The following SLC14A2 variants were observed in gnomAD, a reference collection of about 807,000 sequenced individuals.
The protein encoded by SLC14A2 is urea transporter 2.
In SLC14A2, 91 loss-of-function variants were observed where a neutral mutation model predicts 104.6. The ratio of observed to expected loss-of-function variants is 0.87; its 90% confidence interval spans 0.73 to 1.04. The LOEUF (loss-of-function observed/expected upper bound fraction) is 1.04. SLC14A2 is among the 50% of genes least tolerant of loss of function. The probability of loss-of-function intolerance (pLI) is 0.00; values close to 1 mark genes in which losing one functional copy is unlikely to be tolerated. For missense variants in SLC14A2, 1,189 were observed against 1,156.0 expected (o/e 1.03, Z -0.41); for synonymous variants, 476 against 466.4 (o/e 1.02, Z -0.27).
chr18:45,591,181 C>T (rs1015467792), intron 2 of SLC14A2, among the ~76,000 whole-genome samples: 3 of 152,176 alleles, frequency 2.0e-5, no homozygotes, highest in Non-Finnish European at 4.4e-5. Flanking sequence ...TTCTGATATG[C>T]AAATATCCCT....
rs143785779 is a variant in SLC14A2, at chr18:45,565,635, G to A, written c.-34-58996G>A. Among the ~76,000 whole-genome samples the A allele has an allele frequency of 1.7e-3, 266 of 152,322 alleles. 2 individuals are homozygous for A. The highest frequency in any genetic ancestry group is 5.7e-3 in the African/African-American group (238 of 41,582). On this transcript the variant is annotated intron_variant, in intron 2 of 20. Transcript: ENST00000586448. ...AAGACTGCACATCTGGTCGGTGGCA[G>A]AACTCAAGCTGTCCCCAGGCATCCC...
chr18:45,348,069 T>C (rs995890552), intron 1 of SLC14A2, among the ~76,000 whole-genome samples: 7 of 152,192 alleles, frequency 4.6e-5, no homozygotes, highest in Non-Finnish European at 7.3e-5. Context: ...CTTGCCATCA[T>C]GATGGCAGTG....
chr18:45,454,231 T>G (rs188419168), intron 1 of SLC14A2, among the ~76,000 whole-genome samples: 167 of 152,332 alleles, frequency 1.1e-3, no homozygotes, highest in Non-Finnish European at 2.1e-3. Flanking sequence ...TGAAACATTC[T>G]AATCCTCAAC....
chr18:45,177,026 A>G, the SLC14A2 span, among the ~76,000 whole-genome samples: 2 of 152,066 alleles, frequency 1.3e-5, no homozygotes, highest in African/African-American at 4.8e-5. Flanking sequence ...TTCCAAAACT[A>G]TTTTTTAAAC....
In SLC14A2 at chr18:45,668,622, A is replaced by C. The variant is rs187246344; in HGVS notation, c.2036+145A>C. ...AGAAATGTCCACTGGACTAATAACTAAGTTTATACCATGGTAGCCCCATGC... is the reference window on the plus strand; with the variant it reads ...AGAAATGTCCACTGGACTAATAACTCAGTTTATACCATGGTAGCCCCATGC... On this transcript the variant is annotated intron_variant, in intron 15 of 19. Transcript: ENST00000255226. The C allele has an allele frequency of 5.4e-4, 452 of 842,138 alleles. 2 individuals are homozygous for C. In the African/African-American group the frequency reaches 6.9e-3, roughly 13 times the overall value. 52.2% of individuals were successfully genotyped at this position (842,138 alleles called of 1,614,324 possible).
chr18:45,195,634 C>A, the SLC14A2 span, among the ~76,000 whole-genome samples: 1 of 152,148 alleles, frequency 6.6e-6, no homozygotes, highest in Admixed American at 6.6e-5. Context: ...TCGTGAACTG[C>A]CCGCCTTGGC....
chr18:45,248,795 G>A lies in SLC14A2; in HGVS notation c.-125+35604G>A, dbSNP rs1599611165. 2.0e-5 allele frequency among the ~76,000 whole-genome samples: 3 copies of A among 152,142 alleles called. No homozygotes were observed. In the South Asian group the frequency reaches 6.2e-4, roughly 32 times the overall value. ...TGAAATGGAGCCACAGAACTTCAACGGTATTCTGGCTTAGCTCTTAGGCAA... is the reference window on the plus strand; with the variant it reads ...TGAAATGGAGCCACAGAACTTCAACAGTATTCTGGCTTAGCTCTTAGGCAA... On this transcript the variant is annotated intron_variant, in intron 1 of 20. Transcript: ENST00000586448.
the SLC14A2 span, among the ~76,000 whole-genome samples, chr18:45,186,409 CA>C: frequency 6.6e-6 from 1 of 151,930 alleles, no homozygotes; most frequent in African/African-American, 2.4e-5. Context: ...TATTTGTAGG[CA>C]AAAAAATTAA....
intron 2 of SLC14A2, among the ~76,000 whole-genome samples, chr18:45,605,814 T>C (rs1568295541): frequency 6.6e-6 from 1 of 152,118 alleles, no homozygotes; most frequent in Non-Finnish European, 1.5e-5. Flanking sequence ...AGATAGGTTA[T>C]CAGGAGCCTA....
intron 1 of SLC14A2, among the ~76,000 whole-genome samples, chr18:45,227,435 T>G (rs2094835774): frequency 6.6e-6 from 1 of 152,228 alleles, no homozygotes; most frequent in Non-Finnish European, 1.5e-5. Flanking sequence ...TTCTGAAGGC[T>G]GGGAAGTCCA....
At chr18:45,242,071 C>T (rs552492471) in intron 1 of SLC14A2, among the ~76,000 whole-genome samples, 2 of 152,242 alleles carry the variant, frequency 1.3e-5, no homozygotes, top group Admixed American at 6.5e-5. Context: ...CACTTTACTG[C>T]ACAACAAAGC....
chr18:45,197,889 C>T, the SLC14A2 span, among the ~76,000 whole-genome samples: 1 of 152,052 alleles, frequency 6.6e-6, no homozygotes, highest in African/African-American at 2.4e-5. Context: ...TAAATTGGTG[C>T]CAATCTAGGC....
At chr18:45,415,303 T>C (rs754568201) in intron 1 of SLC14A2, among the ~76,000 whole-genome samples, 2 of 152,140 alleles carry the variant, frequency 1.3e-5, no homozygotes, top group African/African-American at 2.4e-5. Context: ...TCTCCAATTT[T>C]ATACGACTGA....
At chr18:45,648,195 C>CTTTTTTTTTTTTTTTTTTTTTTTT (rs59843067) in intron 10 of SLC14A2, among the ~76,000 whole-genome samples, 5 of 101,250 alleles carry the variant, frequency 4.9e-5, no homozygotes, top group African/African-American at 1.9e-4. Flanking sequence ...CTAGTTAATG[C>CTTTTTTTTTTTTTTTTTTTTTTTT]TTTTTTTTTT....
At chr18:45,364,361 G>T (rs754940776) in intron 1 of SLC14A2, among the ~76,000 whole-genome samples, 1 of 152,166 alleles carries the variant, frequency 6.6e-6, no homozygotes, top group East Asian at 1.9e-4. Context: ...ATCTCAAAAT[G>T]TCACTATACT....
chr18:45,507,778 G>A (rs2043308020), intron 2 of SLC14A2, among the ~76,000 whole-genome samples: 1 of 152,222 alleles, frequency 6.6e-6, no homozygotes, highest in Admixed American at 6.5e-5. Context: ...GACAAGAATG[G>A]TGAGAGTGTC....
chr18:45,272,327 T>C (rs1253760341), intron 1 of SLC14A2, among the ~76,000 whole-genome samples: 2 of 152,110 alleles, frequency 1.3e-5, no homozygotes, highest in Middle Eastern at 3.4e-3. Flanking sequence ...ATAGCCAAGA[T>C]TTGAAAGCAA....
intron 1 of SLC14A2, among the ~76,000 whole-genome samples, chr18:45,229,552 A>G (rs1328372817): frequency 6.6e-6 from 1 of 152,058 alleles, no homozygotes; most frequent in Non-Finnish European, 1.5e-5. Context: ...GCTTCCATCT[A>G]CCTAAAATTA....
At chr18:45,602,030 C>T (rs2044797880) in intron 2 of SLC14A2, among the ~76,000 whole-genome samples, 1 of 152,216 alleles carries the variant, frequency 6.6e-6, no homozygotes, top group African/African-American at 2.4e-5. Context: ...GATCCAAGTC[C>T]CACTCTAGGA....
Sources: allele counts gnomAD v4.1 joint callset (sites outside exome capture counted in the v4.1 genomes callset), GRCh38; gene constraint gnomAD v4.1.1; transcripts MANE v1.5; gene names NCBI Gene and HGNC (gene_info 2026-07-23, HGNC 2026-07-21).